Variants in PCDHGA2 observed in about 807,000 individuals in gnomAD.
PCDHGA2 encodes the protein protocadherin gamma subfamily A, 2.
PCDHGA2 carries 40 observed loss-of-function variants against 59.2 expected under a neutral mutation model. The ratio of observed to expected loss-of-function variants is 0.68; its 90% CI spans 0.52 to 0.88. PCDHGA2 has a LOEUF of 0.88. Ranked by LOEUF, PCDHGA2 falls within the 40% of genes least tolerant of loss-of-function variation. The pLI is 0.00. For missense variants in PCDHGA2, 1,226 were observed against 1,204.0 expected (o/e 1.02, Z -0.27); for synonymous variants, 560 against 526.0 (o/e 1.06, Z -0.89).
chr5:141,382,964 C>T (rs373652237), intron 1 of PCDHGA2: 3 of 1,608,120 alleles, frequency 1.9e-6, no homozygotes, highest in Non-Finnish European at 8.5e-7. Context: ...CTCCTGGGGA[C>T]CCCCTGGGAA....
chr5:141,436,207 A>T (rs544201723), intron 1 of PCDHGA2, among the ~76,000 whole-genome samples: 1 of 152,142 alleles, frequency 6.6e-6, no homozygotes, highest in Admixed American at 6.5e-5. Context: ...ACATAATAGG[A>T]AAACAAATGA....
chr5:141,383,349 T>C lies in PCDHGA2; in HGVS notation c.2424+41954T>C, dbSNP rs781308834. The C allele has an allele frequency of 1.1e-5, 18 of 1,613,856 alleles. No individual in the cohort carries two copies. The African/African-American group carries it at 2.4e-4, about 22-fold the overall frequency. On this transcript the variant is annotated intron_variant, in intron 1 of 3. Transcript: ENST00000394576. The stretch of plus-strand genomic sequence containing the variant: ...TAATGGAGAATACAGCTCCTGGGGT[T>C]CGGTTTCCGTTAAGCGAGGCTGGGG...
chr5:141,395,547 TGTGTGTGTGTGTGTGTGTGTGTG>T, intron 1 of PCDHGA2: 1 of 173,894 alleles, frequency 5.8e-6, no homozygotes, highest in Non-Finnish European at 1.2e-5. Context: ...ATTGTTTGTG[TGTGTGTGTGTGTGTGTGTGTGTG>T]TGTGTGTGTG....
intron 1 of PCDHGA2, chr5:141,405,588 G>T: frequency 1.7e-6 from 1 of 584,820 alleles, no homozygotes; most frequent in Non-Finnish European, 3.0e-6. Flanking sequence ...GGGACTACAG[G>T]CCTCCCAAGT....
intron 1 of PCDHGA2, chr5:141,370,952 G>A (rs771842532): frequency 6.2e-7 from 1 of 1,613,990 alleles, no homozygotes; most frequent in East Asian, 2.2e-5. Context: ...AGGAGAACCT[G>A]GATGGCAGTA....
At chr5:141,355,363 G>T (rs1284145251) in intron 1 of PCDHGA2, 1 of 1,614,034 alleles carries the variant, frequency 6.2e-7, no homozygotes, top group African/African-American at 1.3e-5. Flanking sequence ...CCTGGGGTTG[G>T]CGCCCCGGGA....
intron 1 of PCDHGA2, among the ~76,000 whole-genome samples, chr5:141,472,400 G>A (rs2099279115): frequency 6.6e-6 from 1 of 152,024 alleles, no homozygotes; most frequent in East Asian, 1.9e-4. Flanking sequence ...AATTAGCCAG[G>A]CGTGGTGGCA....
Position 141,338,944 on chromosome 5 carries a change from A to G in PCDHGA2, c.-28A>G. ...AATCCGCACTGGATGCTGGAAGTTG[A>G]CTCGGAGAAAATTGCGACAGGAGGG... On this transcript the variant is annotated 5_prime_UTR_variant, in exon 1 of 4. Coordinates refer to ENST00000394576, the MANE Select transcript of PCDHGA2 (RefSeq NM_018915.4). 1 of 1,523,434 alleles carries G rather than the reference A, an allele frequency of 6.6e-7. No individual in the cohort carries two copies. Among genetic ancestry groups the G allele is most frequent in the Non-Finnish European group, 8.8e-7 (1 of 1,135,756 alleles). 94.4% of individuals were successfully genotyped at this position (1,523,434 alleles called of 1,614,324 possible). A position where few individuals can be genotyped will look rare whatever the true frequency, so the allele number is the denominator to read the frequency against.
At chr5:141,394,797 G>A (rs551668843) in intron 1 of PCDHGA2, 2 of 1,613,798 alleles carry the variant, frequency 1.2e-6, no homozygotes, top group Admixed American at 1.7e-5. Flanking sequence ...CACGCTCACC[G>A]TAGCCGTGGC....
chr5:141,351,803 G>C, intron 1 of PCDHGA2: 1 of 1,613,322 alleles, frequency 6.2e-7, no homozygotes, highest in East Asian at 2.2e-5. Context: ...CGCGCAGCGC[G>C]CCTTCGACCA....
intron 1 of PCDHGA2, chr5:141,366,142 G>C (rs368467114): frequency 6.2e-7 from 1 of 1,614,176 alleles, no homozygotes; most frequent in African/African-American, 1.3e-5. Context: ...ACGCCTGGCT[G>C]TCCTACCGCC....
chr5:141,343,898 C>T, intron 1 of PCDHGA2: 1 of 789,338 alleles, frequency 1.3e-6, no homozygotes, highest in Non-Finnish European at 2.0e-6. Context: ...CGGCTGCCAA[C>T]CTCACCTCTT....
At position 141,362,582 on chromosome 5, in the gene PCDHGA2, C is replaced by T. The variant is rs1227713684; in HGVS notation, c.2424+21187C>T. 3 of 1,600,324 alleles carry T rather than the reference C, an allele frequency of 1.9e-6. No individual in the cohort carries two copies. In the African/African-American group the frequency reaches 4.0e-5, roughly 22 times the overall value. On this transcript the variant is annotated intron_variant, in intron 1 of 3. Transcript: ENST00000394576. ...GTGAGCTTTAATTAATTTATTTTCA[C>T]TTCTGGTTTTATTGTTTCACCTAAT... is the stretch of plus-strand genomic sequence containing the variant.
In PCDHGA2 at chr5:141,391,891, A is replaced by C. The variant is rs140956361; in HGVS notation, c.2424+50496A>C. 7.1e-4 allele frequency: 108 copies of C among 152,338 alleles called. No individual in the cohort carries two copies. In the East Asian group the frequency reaches 0.015, roughly 21 times the overall value. 9.4% of individuals were successfully genotyped at this position (152,338 alleles called of 1,614,324 possible). On this transcript the variant is annotated intron_variant, in intron 1 of 3. Coordinates refer to ENST00000394576, the MANE Select transcript of PCDHGA2 (RefSeq NM_018915.4). ...TCATCTCTTTGGTGAAAGGGATGGG[A>C]TGGAGCTTTGCTTTTTATCATATAT... is the stretch of plus-strand genomic sequence containing the variant.
chr5:141,426,873 C>T (rs1299082117), intron 1 of PCDHGA2: 1 of 456,702 alleles, frequency 2.2e-6, no homozygotes, highest in East Asian at 6.9e-5. Context: ...GCTGGAGAAG[C>T]CCCTGGGCCA....
chr5:141,362,555 A>G, intron 1 of PCDHGA2: 1 of 1,612,062 alleles, frequency 6.2e-7, no homozygotes, highest in Non-Finnish European at 8.5e-7. Context: ...ACTATTTTGA[A>G]GGTGAGCTTT....
chr5:141,429,672 A>G (rs1036863132), intron 1 of PCDHGA2, among the ~76,000 whole-genome samples: 1 of 152,210 alleles, frequency 6.6e-6, no homozygotes, highest in African/African-American at 2.4e-5. Context: ...ATATTATTTT[A>G]TTTTATGCCT....
chr5:141,374,589 G>C, intron 1 of PCDHGA2: 3 of 1,613,676 alleles, frequency 1.9e-6, no homozygotes, highest in Non-Finnish European at 1.7e-6. Context: ...TCCCTTCAGG[G>C]ATTTAAGCTC....
intron 1 of PCDHGA2, chr5:141,374,947 C>G (rs768274787): frequency 6.2e-7 from 1 of 1,613,900 alleles, no homozygotes; most frequent in African/African-American, 1.3e-5. Context: ...CAGAAAAGAT[C>G]TCACAAATTT....
Sources: allele counts gnomAD v4.1 joint callset (sites outside exome capture counted in the v4.1 genomes callset), GRCh38; gene constraint gnomAD v4.1.1; transcripts MANE v1.5; gene names NCBI Gene and HGNC (gene_info 2026-07-23, HGNC 2026-07-21).